Variants in P2RY2 observed in about 807,000 individuals in gnomAD.
P2RY2 encodes the protein P2Y purinoceptor 2.
For synonymous variants in P2RY2, 241 were observed against 231.9 expected (o/e 1.04, Z -0.35); for missense variants, 567 against 515.7 (o/e 1.10, Z -0.96).
chr11:73,223,355 T>C (rs1377150734), intron 1 of P2RY2, among the ~76,000 whole-genome samples: 1 of 146,550 alleles, frequency 6.8e-6, no homozygotes, highest in African/African-American at 2.5e-5. Context: ...GCCTGACTGC[T>C]CTGACCATGA....
Position 73,236,387 on chromosome 11 carries a change from GGTACAAGTCACTCTAGCAC to G in P2RY2, c.*1095_*1113del. ...ATTTAACAATTGGTTCTTGCAAGCA[GGTACAAGTCACTCTAGCAC>G]ACCACTGGATAATGCCGAGTGGCTG... is the stretch of plus-strand genomic sequence containing the variant. On this transcript the variant is annotated 3_prime_UTR_variant, in exon 3 of 3. Transcript: ENST00000393597. The G allele has an allele frequency of 2.9e-6, 1 of 347,478 alleles. No homozygotes were observed. The highest frequency in any genetic ancestry group is 4.3e-6 in the Non-Finnish European group (1 of 233,998). The allele number at this position is 347,478 out of a possible 1,614,324, so 21.5% of individuals were successfully genotyped here. A position where few individuals can be genotyped will look rare whatever the true frequency, so the allele number is the denominator to read the frequency against.
chr11:73,235,505 T>G lies in P2RY2; in HGVS notation c.*212T>G. The G allele has an allele frequency of 7.7e-7, 1 of 1,293,742 alleles. No individual in the cohort carries two copies. The highest frequency in any genetic ancestry group is 9.8e-7 in the Non-Finnish European group (1 of 1,016,570). The allele number at this position is 1,293,742 out of a possible 1,614,324, so 80.1% of individuals were successfully genotyped here. ...CCTAGTCATCGTTTGTGTGTATAAG[T>G]TGGGGGAATTAAGTTTCAAGAAAGG... On this transcript the variant is annotated 3_prime_UTR_variant, in exon 3 of 3. Coordinates refer to ENST00000393597, the MANE Select transcript of P2RY2 (RefSeq NM_002564.4).
intron 2 of P2RY2, among the ~76,000 whole-genome samples, chr11:73,229,822 CG>C (rs1398414509): frequency 6.6e-6 from 1 of 151,970 alleles, no homozygotes; most frequent in African/African-American, 2.4e-5. Context: ...GGCCTCGGCA[CG>C]GGGGCAGAAA....
chr11:73,238,493 G>C lies in P2RY2; in HGVS notation c.*3200G>C, dbSNP rs989916091. The stretch of plus-strand genomic sequence containing the variant: ...ATGTTATCCACACATGGTTGCTCCA[G>C]GTCAAGTCACCAAAGCTACCTCTCT... On this transcript the variant is annotated 3_prime_UTR_variant, in exon 3 of 3. Coordinates refer to ENST00000393597, the MANE Select transcript of P2RY2 (RefSeq NM_002564.4). Among the ~76,000 whole-genome samples, 1 of 152,148 alleles carries C rather than the reference G, an allele frequency of 6.6e-6. No homozygotes were observed.
chr11:73,225,383 T>C (rs1862249386), intron 1 of P2RY2, among the ~76,000 whole-genome samples: 1 of 152,238 alleles, frequency 6.6e-6, no homozygotes. Context: ...CTTGGCTCAC[T>C]GGTGACCTTG....
chr11:73,231,119 G>A (rs928598831), intron 2 of P2RY2, among the ~76,000 whole-genome samples: 8 of 152,126 alleles, frequency 5.3e-5, no homozygotes, highest in Non-Finnish European at 8.8e-5. Context: ...CGGCCTCCTC[G>A]CCCTGGTTTT....
intron 1 of P2RY2, among the ~76,000 whole-genome samples, chr11:73,225,480 C>G (rs190181974): frequency 8.5e-5 from 13 of 152,292 alleles, no homozygotes; most frequent in Non-Finnish European, 2.9e-5. Context: ...AAGAGTAAAT[C>G]CTGAGCCCTG....
intron 1 of P2RY2, among the ~76,000 whole-genome samples, chr11:73,221,315 G>C (rs140730197): frequency 6.6e-6 from 1 of 152,248 alleles, no homozygotes; most frequent in East Asian, 1.9e-4. Context: ...TGCAGATCAG[G>C]AAATAGAGGC....
chr11:73,234,345 C>G lies in P2RY2; in HGVS notation c.186C>G (p.Leu62=), dbSNP rs766486341. 1 of 1,614,230 alleles carries G rather than the reference C, an allele frequency of 6.2e-7. No individual in the cohort carries two copies. Among genetic ancestry groups the G allele is most frequent in the Non-Finnish European group, 8.5e-7 (1 of 1,180,042 alleles). ...AVALYIFLCR[L]KTWNASTTYM... ...CGCTCTACATCTTCTTGTGCCGCCT[C>G]AAGACCTGGAATGCGTCCACCACAT... The change falls in exon 3 of 3, where the codon CTC becomes CTG. Residue 62 remains leucine (L), a synonymous_variant. Transcript: ENST00000393597.
Position 73,241,861 on chromosome 11 carries a change from C to T in P2RY2, c.*6568C>T, listed in dbSNP as rs755779489. 4 of 152,282 alleles carry T rather than the reference C, an allele frequency of 2.6e-5. No individual in the cohort carries two copies. Among genetic ancestry groups the T allele is most frequent in the Admixed American group, 6.5e-5 (1 of 15,288 alleles). The allele number at this position is 152,282 out of a possible 1,614,324, so 9.4% of individuals were successfully genotyped here. Reference sequence around the variant, plus strand: ...CACACCTTTGTAAAAACAGTCTCTCCGCTAAGCTATCCCAAAATGACCTGA... The same window carrying T: ...CACACCTTTGTAAAAACAGTCTCTCTGCTAAGCTATCCCAAAATGACCTGA... On this transcript the variant is annotated 3_prime_UTR_variant, in exon 3 of 3. Transcript: ENST00000393597.
At position 73,235,312 on chromosome 11, in the gene P2RY2, T is replaced by A; in HGVS notation, c.*19T>A. ...GCTGTAGGAGCAGAACACTTCAGCC[T>A]GTGCAGGTTTATATTGGGAAGCTGT... On this transcript the variant is annotated 3_prime_UTR_variant, in exon 3 of 3. Transcript: ENST00000393597. 6.6e-7 allele frequency: 1 copy of A among 1,525,460 alleles called. No individual in the cohort carries two copies. The highest frequency in any genetic ancestry group is 8.8e-7 in the Non-Finnish European group (1 of 1,136,446). The allele number at this position is 1,525,460 out of a possible 1,614,324, so 94.5% of individuals were successfully genotyped here.
intron 2 of P2RY2, 199 bp from the exon 3 acceptor site, chr11:73,233,954 ACCC>A (rs1366393499): frequency 1.6e-6 from 1 of 625,612 alleles, no homozygotes; most frequent in Non-Finnish European, 2.7e-6. Flanking sequence ...TAGTTTGTCT[ACCC>A]CTGTTCTCAA....
intron 1 of P2RY2, among the ~76,000 whole-genome samples, chr11:73,221,017 T>G (rs111456596): frequency 0.012 from 1,809 of 152,286 alleles, 34 homozygotes; most frequent in African/African-American, 0.041. Flanking sequence ...CTTGCTTCTT[T>G]GAGAGCAGAG....
In P2RY2 at chr11:73,235,240, C is replaced by T. The variant is rs1443879556; in HGVS notation, c.1081C>T (p.Arg361Trp). Reference sequence around the variant, plus strand: ...GTTGGGCAGCAGTGAGGACTCTAGGCGGACAGAGTCCACGCCGGCTGGTAG... The same window carrying T: ...GTTGGGCAGCAGTGAGGACTCTAGGTGGACAGAGTCCACGCCGGCTGGTAG... ...DVLGSSEDSR[R>W]TESTPAGSEN... The change falls in exon 3 of 3, where the codon CGG becomes TGG. Residue 361 changes from arginine to tryptophan, a missense_variant. Coordinates refer to ENST00000393597, the MANE Select transcript of P2RY2 (RefSeq NM_002564.4). 3.1e-6 allele frequency: 5 copies of T among 1,600,504 alleles called. No individual in the cohort carries two copies. The highest frequency in any genetic ancestry group is 1.1e-5 in the South Asian group (1 of 89,550).
At chr11:73,225,865 G>C (rs560213266) in intron 1 of P2RY2, among the ~76,000 whole-genome samples, 1 of 152,228 alleles carries the variant, frequency 6.6e-6, no homozygotes, top group Non-Finnish European at 1.5e-5. Context: ...GCTTTCTGGA[G>C]GGATGGTGGG....
At chr11:73,231,563 AAAAAAAAAAAAG>A (rs2135642508) in intron 2 of P2RY2, among the ~76,000 whole-genome samples, 1 of 143,214 alleles carries the variant, frequency 7.0e-6, no homozygotes, top group South Asian at 2.2e-4. Context: ...TCTCAAAAAG[AAAAAAAAAAAAG>A]AAAGAAAAAA....
At chr11:73,233,093 C>G (rs1380023353) in intron 2 of P2RY2, among the ~76,000 whole-genome samples, 1 of 152,110 alleles carries the variant, frequency 6.6e-6, no homozygotes, top group Non-Finnish European at 1.5e-5. Flanking sequence ...CAGAGAGAAA[C>G]TGGATAGGCA....
chr11:73,232,365 T>C (rs1213925436), intron 2 of P2RY2, among the ~76,000 whole-genome samples: 1 of 152,184 alleles, frequency 6.6e-6, no homozygotes, highest in African/African-American at 2.4e-5. Flanking sequence ...ATTGGAGAAC[T>C]GGGGATGGTG....
At chr11:73,226,106 G>A (rs1205582745) in intron 1 of P2RY2, among the ~76,000 whole-genome samples, 2 of 152,206 alleles carry the variant, frequency 1.3e-5, no homozygotes, top group Non-Finnish European at 2.9e-5. Flanking sequence ...TGCAGTGTGG[G>A]GACCGCGTAG....
Sources: gnomAD v4.1 joint callset for allele counts (sites outside exome capture counted in the v4.1 genomes callset) on GRCh38, gnomAD v4.1.1 for gene constraint, MANE v1.5 for transcripts, NCBI Gene and HGNC (gene_info 2026-07-23, HGNC 2026-07-21) for gene names.